The following GRM3 variants were observed in gnomAD, a reference collection of about 807,000 sequenced individuals.
GRM3 encodes the protein glutamate metabotropic receptor 3, also known as metabotropic glutamate receptor 3.
GRM3 carries 26 observed loss-of-function variants against 70.5 expected under a neutral mutation model. That is an observed-to-expected ratio of 0.37 (90% confidence interval 0.27 to 0.51). The LOEUF (loss-of-function observed/expected upper bound fraction) is 0.51. Ranked by LOEUF, GRM3 falls within the 20% of genes least tolerant of loss-of-function variation. GRM3 has a pLI of 0.93. For missense variants in GRM3, 859 were observed against 1,123.8 expected (o/e 0.76, Z 3.37); for synonymous variants, 443 against 434.9 (o/e 1.02, Z -0.23).
At chr7:86,785,042 A>G (rs1253073659) in intron 2 of GRM3, among the ~76,000 whole-genome samples, 1 of 152,220 alleles carries the variant, frequency 6.6e-6, no homozygotes, top group Non-Finnish European at 1.5e-5. Context: ...ACAGCTGCCT[A>G]TTTCAAGCTG....
intron 2 of GRM3, chr7:86,784,203 AC>A (rs955683546): frequency 1.3e-5 from 2 of 150,568 alleles, no homozygotes; most frequent in Admixed American, 1.3e-4. Flanking sequence ...TCATTGAAAA[AC>A]AAGAACTTTT....
chr7:86,690,974 T>C (rs1002467869), intron 1 of GRM3, among the ~76,000 whole-genome samples: 7 of 152,090 alleles, frequency 4.6e-5, no homozygotes, highest in African/African-American at 1.4e-4. Context: ...GCCAAAGAGG[T>C]ATAAATTATG....
intron 1 of GRM3, among the ~76,000 whole-genome samples, chr7:86,745,729 G>C (rs1037277606): frequency 2.6e-5 from 4 of 151,988 alleles, no homozygotes; most frequent in Admixed American, 2.6e-4. Flanking sequence ...GTCATTCATG[G>C]CTAGGAGAAA....
At chr7:86,822,719 AT>A in intron 3 of GRM3, among the ~76,000 whole-genome samples, 1 of 152,198 alleles carries the variant, frequency 6.6e-6, no homozygotes, top group African/African-American at 2.4e-5. Flanking sequence ...TGATACACCA[AT>A]ATAGTACATG....
intron 2 of GRM3, chr7:86,775,019 C>T (rs546541359): frequency 2.6e-4 from 39 of 152,032 alleles, no homozygotes; most frequent in Admixed American, 5.2e-4. Context: ...GTACATGTAA[C>T]TCCTTGATCT....
At position 86,644,456 on chromosome 7, in the gene GRM3, T is replaced by C. The variant is rs1214995731; in HGVS notation, c.-557T>C. ...GTTGCTTCCGCGCCTAGGAAGTGGG[T>C]TTGCCTGATAAGAGAAGGAGGAGGG... On this transcript the variant is annotated 5_prime_UTR_variant, in exon 1 of 6. Coordinates refer to ENST00000361669, the MANE Select transcript of GRM3 (RefSeq NM_000840.3). 2.9e-6 allele frequency: 1 copy of C among 341,186 alleles called. No individual in the cohort carries two copies. The highest frequency in any genetic ancestry group is 5.8e-6 in the Non-Finnish European group (1 of 173,628). 21.1% of individuals were successfully genotyped at this position (341,186 alleles called of 1,614,324 possible). A position where few individuals can be genotyped will look rare whatever the true frequency, so the allele number is the denominator to read the frequency against.
At chr7:86,695,475 A>G (rs1441448032) in intron 1 of GRM3, among the ~76,000 whole-genome samples, 1 of 152,186 alleles carries the variant, frequency 6.6e-6, no homozygotes, top group Non-Finnish European at 1.5e-5. Flanking sequence ...GCTGTTATTT[A>G]ATTAGCAACT....
In GRM3 at chr7:86,733,052, C is replaced by T. The variant is rs573244292; in HGVS notation, c.-140-31954C>T. ...TGAGATGGCCGGGCGTGGTGTCTCACGCCTGTAATCCCAGCACTTTGGGAG... is the reference window on the plus strand; with the variant it reads ...TGAGATGGCCGGGCGTGGTGTCTCATGCCTGTAATCCCAGCACTTTGGGAG... On this transcript the variant is annotated intron_variant, in intron 1 of 5. Transcript: ENST00000361669. 2.6e-4 allele frequency among the ~76,000 whole-genome samples: 39 copies of T among 152,226 alleles called. No individual in the cohort carries two copies. The East Asian group carries it at 4.6e-3, about 18-fold the overall frequency.
intron 4 of GRM3, among the ~76,000 whole-genome samples, chr7:86,848,826 C>A (rs1403312378): frequency 3.9e-5 from 6 of 152,102 alleles, no homozygotes; most frequent in Non-Finnish European, 8.8e-5. Context: ...TCTAGATTTC[C>A]AAGGCAGGAA....
At chr7:86,756,689 T>G (rs924180300) in intron 1 of GRM3, among the ~76,000 whole-genome samples, 1 of 152,182 alleles carries the variant, frequency 6.6e-6, no homozygotes, top group Non-Finnish European at 1.5e-5. Context: ...TATGGTTTTA[T>G]TTATATTTAT....
chr7:86,817,489 C>G (rs1355692455), intron 3 of GRM3, among the ~76,000 whole-genome samples: 1 of 151,858 alleles, frequency 6.6e-6, no homozygotes, highest in African/African-American at 2.4e-5. Flanking sequence ...ATAGGGTACT[C>G]TGTTTTGTTG....
intron 1 of GRM3, among the ~76,000 whole-genome samples, chr7:86,757,608 T>C (rs1796375767): frequency 6.6e-6 from 1 of 152,102 alleles, no homozygotes; most frequent in Non-Finnish European, 1.5e-5. Context: ...GCCCACCAAC[T>C]CCATGCAGCT....
intron 1 of GRM3, among the ~76,000 whole-genome samples, chr7:86,651,537 A>T (rs990335256): frequency 6.6e-6 from 1 of 152,188 alleles, no homozygotes; most frequent in Admixed American, 6.5e-5. Flanking sequence ...GGAGAAAAGG[A>T]TATCTAGAGA....
chr7:86,756,560 A>G (rs888392395), intron 1 of GRM3, among the ~76,000 whole-genome samples: 1 of 152,096 alleles, frequency 6.6e-6, no homozygotes. Context: ...ATTTTTTCTG[A>G]TAAGTCAGCT....
intron 1 of GRM3, among the ~76,000 whole-genome samples, chr7:86,688,132 A>G (rs1387629844): frequency 2.0e-5 from 3 of 151,660 alleles, no homozygotes; most frequent in African/African-American, 4.8e-5. Context: ...CTCGAATATA[A>G]TTTGTCAATT....
chr7:86,725,274 T>C (rs1444794778), intron 1 of GRM3, among the ~76,000 whole-genome samples: 1 of 152,152 alleles, frequency 6.6e-6, no homozygotes, highest in African/African-American at 2.4e-5. Context: ...TGACACATAG[T>C]AGGTGTTCCA....
intron 1 of GRM3, among the ~76,000 whole-genome samples, chr7:86,712,714 T>C (rs897542160): frequency 2.6e-5 from 4 of 152,024 alleles, no homozygotes; most frequent in Non-Finnish European, 4.4e-5. Flanking sequence ...GCTCCCACAT[T>C]TGAGCGAGAA....
chr7:86,775,009 G>T (rs933690651), intron 2 of GRM3: 1 of 152,080 alleles, frequency 6.6e-6, no homozygotes, highest in Non-Finnish European at 1.5e-5. Context: ...TAACATATAT[G>T]TACATGTAAC....
chr7:86,838,131 A>G (rs1314451934), intron 3 of GRM3, among the ~76,000 whole-genome samples: 1 of 152,174 alleles, frequency 6.6e-6, no homozygotes, highest in Non-Finnish European at 1.5e-5. Context: ...AGGAAATTTC[A>G]AAGTCTACTT....
Sources: allele counts gnomAD v4.1 joint callset (sites outside exome capture counted in the v4.1 genomes callset), GRCh38; gene constraint gnomAD v4.1.1; transcripts MANE v1.5; gene names NCBI Gene and HGNC (gene_info 2026-07-23, HGNC 2026-07-21).